ARFIP1: variants seen among roughly 807,000 people sequenced by gnomAD.
ARFIP1 encodes the protein ARF interacting protein 1, also known as arfaptin-1.
ARFIP1 carries 24 observed loss-of-function variants against 42.5 expected under a neutral mutation model. The observed-to-expected ratio is 0.57, with a 90% CI of 0.41 to 0.80. The LOEUF is 0.80. Among genes scored for constraint, ARFIP1 ranks in the 30% least tolerant of loss-of-function variants. The pLI is 0.00. For synonymous variants in ARFIP1, 141 were observed against 153.7 expected, an observed-to-expected ratio of 0.92 and a Z score of 0.61; for missense variants, 354 against 434.0, an observed-to-expected ratio of 0.82 and a Z score of 1.64.
chr4:152,878,399 C>T (rs928033032), intron 5 of ARFIP1, among the ~76,000 whole-genome samples: 8 of 152,194 alleles, frequency 5.3e-5, no homozygotes, highest in African/African-American at 1.7e-4. Context: ...TAAAAATCCA[C>T]TGTAGAGATC....
chr4:152,903,846 G>A (rs1199846446), intron 8 of ARFIP1, among the ~76,000 whole-genome samples: 2 of 151,820 alleles, frequency 1.3e-5, no homozygotes, highest in Non-Finnish European at 2.9e-5. Context: ...GCTACTTGGG[G>A]GTGGGGAAAC....
intron 2 of ARFIP1, among the ~76,000 whole-genome samples, chr4:152,843,615 G>A (rs566719983): frequency 6.6e-6 from 1 of 152,272 alleles, no homozygotes; most frequent in Non-Finnish European, 1.5e-5. Context: ...GGATGGGGGT[G>A]AGATTCCCAG....
Position 152,844,969 on chromosome 4 carries a change from G to T in ARFIP1, c.93+15243G>T, listed in dbSNP as rs546021688. On this transcript the variant is annotated intron_variant, in intron 2 of 8. Transcript: ENST00000353617. ...ACATTTTGCAACTTCAAACTATAAGGCTATAGTAACCAAAACATCATGGTA... is the reference window on the plus strand; with the variant it reads ...ACATTTTGCAACTTCAAACTATAAGTCTATAGTAACCAAAACATCATGGTA... Among the ~76,000 whole-genome samples, 411 of 152,122 alleles carry T rather than the reference G, an allele frequency of 2.7e-3. 3 individuals carry two copies. The highest frequency in any genetic ancestry group is 9.6e-3 in the African/African-American group (399 of 41,506).
chr4:152,837,471 T>G (rs2149853125), intron 2 of ARFIP1, among the ~76,000 whole-genome samples: 1 of 152,344 alleles, frequency 6.6e-6, no homozygotes, highest in South Asian at 2.1e-4. Context: ...TGGCCATTCT[T>G]GCAGGAGTGA....
Position 152,911,825 on chromosome 4 carries a change from T to C in ARFIP1, c.*1606T>C, listed in dbSNP as rs967408341. 6.6e-6 allele frequency: 1 copy of C among 152,614 alleles called. No homozygotes were observed. Among genetic ancestry groups the C allele is most frequent in the Non-Finnish European group, 1.5e-5 (1 of 68,000 alleles). 9.5% of individuals were successfully genotyped at this position (152,614 alleles called of 1,614,324 possible). On this transcript the variant is annotated 3_prime_UTR_variant, in exon 9 of 9. Transcript: ENST00000353617. ...CCTTATTTTATTCTTCCAGCAGAAT[T>C]ACTACTTGTGATAGTTCATTTACAT... is the stretch of plus-strand genomic sequence containing the variant.
intron 4 of ARFIP1, among the ~76,000 whole-genome samples, chr4:152,872,075 T>G (rs1734930850): frequency 6.6e-6 from 1 of 152,200 alleles, no homozygotes; most frequent in East Asian, 1.9e-4. Flanking sequence ...GCCTTTTAGA[T>G]TTTTATCGAC....
At chr4:152,899,143 A>G (rs770002987) in intron 8 of ARFIP1, among the ~76,000 whole-genome samples, 10 of 152,088 alleles carry the variant, frequency 6.6e-5, no homozygotes, top group Admixed American at 3.3e-4. Flanking sequence ...ACCCCCTCCA[A>G]CATCTGCCTA....
At chr4:152,891,565 G>GT (rs933402780) in intron 8 of ARFIP1, among the ~76,000 whole-genome samples, 1 of 152,054 alleles carries the variant, frequency 6.6e-6, no homozygotes, top group Admixed American at 6.6e-5. Flanking sequence ...TGTCATCCCT[G>GT]TTTGCTTTCT....
chr4:152,863,815 T>G, intron 3 of ARFIP1, 101 bp downstream of exon 3: 1 of 687,902 alleles, frequency 1.5e-6, no homozygotes, highest in Non-Finnish European at 2.5e-6. Context: ...AGCCCTTTCA[T>G]TCTGTGATAA....
At position 152,888,117 on chromosome 4, in the gene ARFIP1, ACT is replaced by A; in HGVS notation, c.792-11_792-10del. The A allele has an allele frequency of 6.3e-7, 1 of 1,583,298 alleles. No individual in the cohort carries two copies. The highest frequency in any genetic ancestry group is 8.6e-7 in the Non-Finnish European group (1 of 1,167,626). On this transcript the variant is annotated splice_polypyrimidine_tract_variant and intron_variant, in intron 7 of 8. Coordinates refer to ENST00000353617, the MANE Select transcript of ARFIP1 (RefSeq NM_001025595.3). Reference sequence around the variant, plus strand: ...ACTGTTCTTGTAGTATGCTTCACTTACTCTCTTCTTTCCAGGATTGAATATGA... The same window carrying A: ...ACTGTTCTTGTAGTATGCTTCACTTACTCTTCTTTCCAGGATTGAATATGA...
intron 2 of ARFIP1, among the ~76,000 whole-genome samples, chr4:152,836,946 C>A (rs1169521245): frequency 2.0e-5 from 3 of 151,868 alleles, no homozygotes; most frequent in African/African-American, 7.3e-5. Flanking sequence ...CTCTTCCCCC[C>A]AAACCACTAA....
At chr4:152,836,177 G>A (rs906818861) in intron 2 of ARFIP1, among the ~76,000 whole-genome samples, 8 of 152,146 alleles carry the variant, frequency 5.3e-5, no homozygotes, top group African/African-American at 1.7e-4. Flanking sequence ...TGCAGTTGAC[G>A]GGTAAGTTCT....
Position 152,829,733 on chromosome 4 carries a change from A to T in ARFIP1, c.93+7A>T, listed in dbSNP as rs759507226. ...TGAACATAGCTTTAATAGGGTAAGA[A>T]CACTTTTCTTTCTCTTAATGCAAAG... On this transcript the variant is annotated splice_region_variant and intron_variant, in intron 2 of 8. Coordinates refer to ENST00000353617, the MANE Select transcript of ARFIP1 (RefSeq NM_001025595.3). The T allele has an allele frequency of 6.3e-7, 1 of 1,575,458 alleles. No homozygotes were observed. The highest frequency in any genetic ancestry group is 1.2e-5 in the South Asian group (1 of 85,392).
At chr4:152,900,864 C>G (rs1306874862) in intron 8 of ARFIP1, among the ~76,000 whole-genome samples, 1 of 152,190 alleles carries the variant, frequency 6.6e-6, no homozygotes, top group Non-Finnish European at 1.5e-5. Flanking sequence ...TTTCTTACAA[C>G]CAGCTACTAT....
intron 2 of ARFIP1, among the ~76,000 whole-genome samples, chr4:152,849,815 G>A (rs1159371121): frequency 6.6e-6 from 1 of 152,206 alleles, no homozygotes; most frequent in African/African-American, 2.4e-5. Flanking sequence ...GAATCTAGAA[G>A]TGTTGCTTCC....
At chr4:152,785,973 A>G (rs1029415046) in intron 1 of ARFIP1, among the ~76,000 whole-genome samples, 2 of 152,226 alleles carry the variant, frequency 1.3e-5, no homozygotes, top group African/African-American at 4.8e-5. Flanking sequence ...AAAATGCGAC[A>G]TGATATGATG....
At chr4:152,813,422 C>T (rs755067766) in intron 1 of ARFIP1, among the ~76,000 whole-genome samples, 1 of 152,202 alleles carries the variant, frequency 6.6e-6, no homozygotes, top group Non-Finnish European at 1.5e-5. Context: ...TTTTATGCTT[C>T]TCTACTCTGC....
chr4:152,784,829 A>T lies in ARFIP1; in HGVS notation c.-10+4603A>T, dbSNP rs78289307. 4.6e-5 allele frequency among the ~76,000 whole-genome samples: 7 copies of T among 152,378 alleles called. No homozygotes were observed. In the East Asian group the frequency reaches 1.3e-3, roughly 29 times the overall value. On this transcript the variant is annotated intron_variant, in intron 1 of 8. Coordinates refer to ENST00000353617, the MANE Select transcript of ARFIP1 (RefSeq NM_001025595.3). ...TGTCTTTACCATGTTCTCACCTAAG[A>T]TAAGAATTTATATTTTATTTTTGTA...
intron 8 of ARFIP1, among the ~76,000 whole-genome samples, chr4:152,892,079 C>CT (rs1158299332): frequency 1.3e-5 from 2 of 151,904 alleles, no homozygotes; most frequent in African/African-American, 2.4e-5. Context: ...CCATCCTCTG[C>CT]TTTTTTTTAA....
Sources: allele counts gnomAD v4.1 joint callset (sites outside exome capture counted in the v4.1 genomes callset), GRCh38; gene constraint gnomAD v4.1.1; transcripts MANE v1.5; gene names NCBI Gene and HGNC (gene_info 2026-07-23, HGNC 2026-07-21).